The following C12orf56 variants were observed in gnomAD, a reference collection of about 807,000 sequenced individuals.
C12orf56 encodes the protein chromosome 12 open reading frame 56.
C12orf56 carries 71 observed loss-of-function variants against 69.9 expected under a neutral mutation model. The observed-to-expected ratio is 1.02, with a 90% CI of 0.84 to 1.24. C12orf56 has a LOEUF of 1.24. C12orf56 is among the 50% of genes most tolerant of loss of function. The probability of loss-of-function intolerance (pLI) is 0.00; values close to 1 mark genes in which losing one functional copy is unlikely to be tolerated. For synonymous variants in C12orf56, 276 were observed against 274.1 expected (o/e 1.01, Z -0.07); for missense variants, 732 against 738.5 (o/e 0.99, Z 0.10).
chr12:64,303,081 T>C (rs2038467784), intron 6 of C12orf56, among the ~76,000 whole-genome samples: 1 of 151,978 alleles, frequency 6.6e-6, no homozygotes, highest in Non-Finnish European at 1.5e-5. Context: ...AAGACCAACC[T>C]GGCCGACATG....
At chr12:64,334,226 G>C (rs2038965606) in intron 2 of C12orf56, among the ~76,000 whole-genome samples, 1 of 152,116 alleles carries the variant, frequency 6.6e-6, no homozygotes. Context: ...AGATGGTCAG[G>C]CTTCCATATG....
In C12orf56 at chr12:64,390,340, G is replaced by A. The variant is rs1274592737; in HGVS notation, c.226C>T (p.Leu76=). ...PPKSIRRVVA[L]RDVVAIDLID... ...AGGTCAATGGCCACGACGTCCCGCA[G>A]AGCCACTACCCGCCGGATGGACTTG... The change falls in exon 1 of 13, where the codon CTG becomes TTG. Residue 76 remains leucine, a synonymous_variant. Coordinates refer to ENST00000543942, the MANE Select transcript of C12orf56 (RefSeq NM_001170633.2). 4 of 1,611,394 alleles carry A rather than the reference G, an allele frequency of 2.5e-6. No homozygotes were observed. In the African/African-American group the frequency reaches 5.3e-5, roughly 22 times the overall value.
At chr12:64,293,975 C>T (rs990295400) in intron 6 of C12orf56, among the ~76,000 whole-genome samples, 2 of 152,170 alleles carry the variant, frequency 1.3e-5, no homozygotes, top group Non-Finnish European at 2.9e-5. Flanking sequence ...TTTGTCAAGA[C>T]TCTTCAAACT....
intron 11 of C12orf56, among the ~76,000 whole-genome samples, chr12:64,272,312 G>A (rs928295216): frequency 9.9e-5 from 15 of 152,114 alleles, no homozygotes; most frequent in Admixed American, 2.6e-4. Flanking sequence ...TGAGACCAGC[G>A]TGGCTAACAT....
chr12:64,338,445 C>T (rs2039027000), intron 2 of C12orf56: 1 of 828,256 alleles, frequency 1.2e-6, no homozygotes, highest in Non-Finnish European at 2.1e-6. Flanking sequence ...TTTTGCACCG[C>T]AGACTTTACC....
In C12orf56 at chr12:64,311,256, G is replaced by A. The variant is rs112850337; in HGVS notation, c.968+1423C>T. 6.9e-3 allele frequency among the ~76,000 whole-genome samples: 1,046 copies of A among 152,050 alleles called. 6 individuals are homozygous for A. The highest frequency in any genetic ancestry group is 0.012 in the Non-Finnish European group (800 of 67,962). ...TCGAGACCAGCCTGGCCAACATGGT[G>A]AAACTCAGTCTCTACTAAAAATAAA... On this transcript the variant is annotated intron_variant, in intron 5 of 12. Transcript: ENST00000543942.
chr12:64,326,083 A>G (rs771944855), intron 3 of C12orf56, among the ~76,000 whole-genome samples: 2 of 152,112 alleles, frequency 1.3e-5, no homozygotes, highest in African/African-American at 2.4e-5. Flanking sequence ...AATATATGCA[A>G]AAATAGATTT....
intron 2 of C12orf56, chr12:64,338,429 AT>A (rs1468859456): frequency 7.7e-6 from 6 of 779,986 alleles, no homozygotes; most frequent in Non-Finnish European, 1.4e-5. Context: ...GTACATAGGG[AT>A]TTCCTTTTGC....
At chr12:64,384,682 G>A (rs954627658) in intron 1 of C12orf56, among the ~76,000 whole-genome samples, 8 of 152,172 alleles carry the variant, frequency 5.3e-5, no homozygotes, top group African/African-American at 1.2e-4. Context: ...TTTCTTTCCC[G>A]TAGGTGATGA....
chr12:64,274,776 C>T, intron 11 of C12orf56, 125 bp downstream of exon 11: 1 of 692,090 alleles, frequency 1.4e-6, no homozygotes, highest in Non-Finnish European at 2.3e-6. Context: ...GTCAAATTTA[C>T]ACTTTGCTTC....
At chr12:64,307,124 T>C (rs2038523732) in intron 5 of C12orf56, among the ~76,000 whole-genome samples, 1 of 152,190 alleles carries the variant, frequency 6.6e-6, no homozygotes, top group South Asian at 2.1e-4. Flanking sequence ...CAATTAGCTT[T>C]AAAATCACTT....
At chr12:64,368,389 T>G (rs1446809648) in intron 1 of C12orf56, among the ~76,000 whole-genome samples, 2 of 152,136 alleles carry the variant, frequency 1.3e-5, no homozygotes, top group Non-Finnish European at 2.9e-5. Context: ...GCAAATTTCT[T>G]CATTTCTCAT....
At chr12:64,336,603 A>C (rs943763221) in intron 2 of C12orf56, among the ~76,000 whole-genome samples, 2 of 152,178 alleles carry the variant, frequency 1.3e-5, no homozygotes, top group Non-Finnish European at 2.9e-5. Context: ...GGATTTGATA[A>C]ACCTGCTAAT....
In C12orf56 at chr12:64,377,851, C is replaced by A. The variant is rs186794815; in HGVS notation, c.252+12463G>T. Among the ~76,000 whole-genome samples, 1,100 of 151,866 alleles carry A rather than the reference C, an allele frequency of 7.2e-3. 20 individuals are homozygous for A. Among genetic ancestry groups the A allele is most frequent in the African/African-American group, 0.024 (1,008 of 41,412 alleles). On this transcript the variant is annotated intron_variant, in intron 1 of 12. Coordinates refer to ENST00000543942, the MANE Select transcript of C12orf56 (RefSeq NM_001170633.2). ...AAAGTCTTGCGGGAATTCAGGCAACCAAAAAAAATTTTTTTTTATGATCTA... is the reference window on the plus strand; with the variant it reads ...AAAGTCTTGCGGGAATTCAGGCAACAAAAAAAAATTTTTTTTTATGATCTA...
At chr12:64,279,053 TTAA>T (rs2038091195) in intron 8 of C12orf56, among the ~76,000 whole-genome samples, 1 of 152,214 alleles carries the variant, frequency 6.6e-6, no homozygotes, top group African/African-American at 2.4e-5. Flanking sequence ...TTGGTTTCTG[TTAA>T]TAATGTACAG....
chr12:64,319,353 A>G (rs887930325), intron 3 of C12orf56, among the ~76,000 whole-genome samples: 3 of 152,194 alleles, frequency 2.0e-5, no homozygotes, highest in African/African-American at 7.2e-5. Context: ...AATGGATCCT[A>G]TAAAGAAAAA....
chr12:64,322,031 G>C (rs1256516649), intron 3 of C12orf56, among the ~76,000 whole-genome samples: 2 of 145,460 alleles, frequency 1.4e-5, no homozygotes, highest in African/African-American at 2.5e-5. Context: ...TATTTTTAGA[G>C]ACAGAGTCTC....
chr12:64,278,843 G>A (rs1344754920), intron 8 of C12orf56, among the ~76,000 whole-genome samples: 3 of 152,080 alleles, frequency 2.0e-5, no homozygotes. Flanking sequence ...GTGAGATCAT[G>A]CATGAACTCA....
intron 5 of C12orf56, among the ~76,000 whole-genome samples, chr12:64,306,294 A>T (rs1180986948): frequency 1.3e-5 from 2 of 152,218 alleles, no homozygotes; most frequent in African/African-American, 4.8e-5. Context: ...GAAAAAGCCA[A>T]ATGCCAGGAG....
Sources: allele counts gnomAD v4.1 joint callset (sites outside exome capture counted in the v4.1 genomes callset), GRCh38; gene constraint gnomAD v4.1.1; transcripts MANE v1.5; gene names NCBI Gene and HGNC (gene_info 2026-07-23, HGNC 2026-07-21).